Variants in ZNF324B observed in about 807,000 individuals in gnomAD.
The protein encoded by ZNF324B is zinc finger protein 324B.
A neutral mutation model predicts 10.6 loss-of-function variants in ZNF324B; 7 were observed. That is an observed-to-expected ratio of 0.66 (90% CI 0.38 to 1.24). ZNF324B has a LOEUF of 1.24. ZNF324B is among the 50% of genes most tolerant of loss of function. The pLI is 0.02. For synonymous variants in ZNF324B, 316 were observed against 321.0 expected, an observed-to-expected ratio of 0.98 and a Z score of 0.17; for missense variants, 640 against 764.7, an observed-to-expected ratio of 0.84 and a Z score of 1.92.
At chr19:58,433,879 T>C in the ZNF324B span, 2 of 1,614,156 alleles carry the variant, frequency 1.2e-6, no homozygotes, top group Non-Finnish European at 1.7e-6. Flanking sequence ...GCTGAAGGAT[T>C]TCCTACATTC....
intron 1 of ZNF324B, chr19:58,453,080 T>TA (rs1238388535): frequency 9.6e-6 from 1 of 104,038 alleles, no homozygotes; most frequent in East Asian, 2.9e-4. Context: ...GTCTCCAAAA[T>TA]AAAAATAAAT....
the ZNF324B span, chr19:58,433,011 G>GCCT: frequency 3.1e-6 from 1 of 320,442 alleles, no homozygotes; most frequent in Non-Finnish European, 5.6e-6. Context: ...CGGTTCAGCT[G>GCCT]AGCACAGTCC....
chr19:58,439,136 T>C, the ZNF324B span, among the ~76,000 whole-genome samples: 1 of 152,108 alleles, frequency 6.6e-6, no homozygotes, highest in African/African-American at 2.4e-5. Flanking sequence ...CATGGCCCAG[T>C]TTGGGCAGAT....
Position 58,456,358 on chromosome 19 carries a change from C to G in ZNF324B, c.1414C>G (p.Arg472Gly), listed in dbSNP as rs756211839. The G allele has an allele frequency of 2.5e-6, 4 of 1,612,508 alleles. No individual in the cohort carries two copies. The East Asian group carries it at 8.9e-5, about 36-fold the overall frequency. The change falls in exon 4 of 4, where the codon CGG becomes GGG. Residue 472 changes from arginine to glycine, a missense_variant. By Grantham distance (125) the Arg-to-Gly change is moderately radical. Coordinates refer to ENST00000336614, the MANE Select transcript of ZNF324B (RefSeq NM_207395.3). This position sits in a 1 kb window ranked among gnomAD's most constrained non-coding sequence, Gnocchi z 4.7. The stretch of plus-strand genomic sequence containing the variant: ...CAAGGGCGCCGTGCTGCTCAGCCAC[C>G]GGCGCATTCACACGGGCGAGAAGCC... ...FAKGAVLLSH[R>G]RIHTGEKPFV...
the ZNF324B span, chr19:58,434,474 A>G: frequency 2.5e-6 from 4 of 1,614,248 alleles, no homozygotes; most frequent in Non-Finnish European, 2.5e-6. Flanking sequence ...GTTTTCCCAC[A>G]TGCAATGCAC....
rs772080850 is a variant in ZNF324B at position 58,454,344 on chromosome 19, G to C, written c.238G>C (p.Gly80Arg). 1 of 1,606,942 alleles carries C rather than the reference G, an allele frequency of 6.2e-7. No individual in the cohort carries two copies. The highest frequency in any genetic ancestry group is 8.5e-7 in the Non-Finnish European group (1 of 1,173,462). Residue 80 changes from glycine (G) to arginine (R), a missense_variant and splice_region_variant, in exon 3 of 4, where the codon GGT (glycine) becomes CGT (arginine). Transcript: ENST00000336614. ...ARNTYGRLNS[G>R]SWSLTEDRDV... ...GAACACCTACGGGAGGCTCAACTCT[G>C]GTGAGTGGGAGCTCAGGTGGGGTGA... is the stretch of plus-strand genomic sequence containing the variant.
the ZNF324B span, chr19:58,445,259 G>A: frequency 2.7e-6 from 1 of 368,450 alleles, no homozygotes; most frequent in East Asian, 8.9e-5. Flanking sequence ...ATGTTGGAAA[G>A]CCTATTCTCA....
At chr19:58,434,937 G>T in the ZNF324B span, 7 of 1,613,980 alleles carry the variant, frequency 4.3e-6, no homozygotes, top group Non-Finnish European at 5.9e-6. Context: ...ACCATCTAAA[G>T]GGCTTCCCTC....
rs757106675 is a variant in ZNF324B at position 58,455,239 on chromosome 19, C to T, written c.295C>T (p.Pro99Ser). 6 of 1,614,176 alleles carry T rather than the reference C, an allele frequency of 3.7e-6. No individual in the cohort carries two copies. Among genetic ancestry groups the T allele is most frequent in the South Asian group, 2.2e-5 (2 of 91,084 alleles). Residue 99 changes from proline (P) to serine (S), a missense_variant, in exon 4 of 4, where the codon CCA becomes TCA. Coordinates refer to ENST00000336614, the MANE Select transcript of ZNF324B (RefSeq NM_207395.3). This position sits in a 1 kb window ranked among gnomAD's most constrained non-coding sequence, Gnocchi z 7.0. ...TTCTGGAGAATGGCCACGAGCTTTC[C>T]CAGATACCCCACCTGGGATGACTAC... is the stretch of plus-strand genomic sequence containing the variant. ...DVSGEWPRAF[P>S]DTPPGMTTSV...
At chr19:58,435,536 G>A in the ZNF324B span, 2 of 219,612 alleles carry the variant, frequency 9.1e-6, no homozygotes, top group East Asian at 1.1e-4. Context: ...TAAACATGAG[G>A]AGTATGAAAA....
upstream of ZNF324B, among the ~76,000 whole-genome samples, chr19:58,449,403 A>T (rs1333338176): frequency 6.6e-6 from 1 of 152,228 alleles, no homozygotes; most frequent in Non-Finnish European, 1.5e-5. Context: ...GGTACTGCCT[A>T]GTGGAGCTGT....
chr19:58,446,507 A>G, the ZNF324B span, among the ~76,000 whole-genome samples: 3 of 150,364 alleles, frequency 2.0e-5, no homozygotes, highest in African/African-American at 4.9e-5. Flanking sequence ...ATGCTCACTC[A>G]TGATGGGGTT....
chr19:58,457,426 G>A lies in ZNF324B; in HGVS notation c.*847G>A, dbSNP rs898311417. ...TCATTTACAAAAGTCGATGTGAGGAGGAGCCTTTACACCTGTGGAGACAGT... is the reference window on the plus strand; with the variant it reads ...TCATTTACAAAAGTCGATGTGAGGAAGAGCCTTTACACCTGTGGAGACAGT... On this transcript the variant is annotated 3_prime_UTR_variant, in exon 4 of 4. Transcript: ENST00000336614. The A allele has an allele frequency of 5.2e-5, 8 of 152,428 alleles. No homozygotes were observed. The highest frequency in any genetic ancestry group is 1.9e-4 in the African/African-American group (8 of 41,456). The allele number at this position is 152,428 out of a possible 1,614,324, so 9.4% of individuals were successfully genotyped here.
chr19:58,438,897 A>T, the ZNF324B span, among the ~76,000 whole-genome samples: 1 of 151,928 alleles, frequency 6.6e-6, no homozygotes, highest in African/African-American at 2.4e-5. Flanking sequence ...CAGTTTCCCA[A>T]GTTGCTGGGA....
chr19:58,451,231 A>G (rs76462090), upstream of ZNF324B, among the ~76,000 whole-genome samples: 1 of 152,088 alleles, frequency 6.6e-6, no homozygotes. Flanking sequence ...TCCTCCACCT[A>G]CACCTGCCCT....
the ZNF324B span, among the ~76,000 whole-genome samples, chr19:58,427,452 CCCTTCCTTCCTTCCTT>C: frequency 8.5e-5 from 4 of 47,052 alleles, no homozygotes; most frequent in Admixed American, 2.5e-4. Context: ...CCTTTCCTTT[CCCTTCCTTCCTTCCTT>C]CCTTCCTTCC....
At chr19:58,442,914 C>A in the ZNF324B span, 1 of 152,276 alleles carries the variant, frequency 6.6e-6, no homozygotes. Flanking sequence ...GGAAGAGGAC[C>A]CGCGGGTTGC....
At chr19:58,427,206 C>T in the ZNF324B span, among the ~76,000 whole-genome samples, 1 of 151,984 alleles carries the variant, frequency 6.6e-6, no homozygotes, top group Non-Finnish European at 1.5e-5. Flanking sequence ...TCTCAGCTCA[C>T]TGCAACCTCT....
chr19:58,434,122 T>A, the ZNF324B span: 1 of 1,613,124 alleles, frequency 6.2e-7, no homozygotes, highest in African/African-American at 1.3e-5. Flanking sequence ...GGAGTTATTG[T>A]TAAAAGCTCT....
Sources: gnomAD v4.1 joint callset for allele counts (sites outside exome capture counted in the v4.1 genomes callset) on GRCh38, gnomAD v4.1.1 for gene constraint, Gnocchi (gnomAD v3.1) non-coding constraint, MANE v1.5 for transcripts, NCBI Gene and HGNC (gene_info 2026-07-23, HGNC 2026-07-21) for gene names.